CDRT4: variants seen among roughly 807,000 people sequenced by gnomAD.
CDRT4 encodes the protein CMT1A duplicated region transcript 4.
For missense variants in CDRT4, 167 were observed against 193.1 expected (o/e 0.87, Z 0.80); for synonymous variants, 64 against 69.6 (o/e 0.92, Z 0.40).
chr17:15,458,454 AAG>A (rs1252745108), intron 1 of CDRT4, among the ~76,000 whole-genome samples: 1 of 152,124 alleles, frequency 6.6e-6, no homozygotes, highest in East Asian at 1.9e-4. Flanking sequence ...GAGAAGAATG[AAG>A]AGAGTCCAAA....
chr17:15,459,396 G>A (rs962376543), intron 1 of CDRT4, among the ~76,000 whole-genome samples: 4 of 149,280 alleles, frequency 2.7e-5, no homozygotes, highest in Admixed American at 6.7e-5. Context: ...GTCAAGGAAC[G>A]TATACAGCCA....
intron 2 of CDRT4, among the ~76,000 whole-genome samples, chr17:15,446,045 C>G (rs1407280757): frequency 6.6e-6 from 1 of 152,252 alleles, no homozygotes; most frequent in South Asian, 2.1e-4. Context: ...ACCACTAAAG[C>G]CAGAAGTGTC....
chr17:15,461,280 G>C (rs1024131177), intron 1 of CDRT4, among the ~76,000 whole-genome samples: 1 of 152,172 alleles, frequency 6.6e-6, no homozygotes, highest in Non-Finnish European at 1.5e-5. Flanking sequence ...TCTGTGCCAG[G>C]CATAGGGATA....
intron 2 of CDRT4, among the ~76,000 whole-genome samples, chr17:15,446,809 T>C (rs1462871478): frequency 6.6e-6 from 1 of 152,170 alleles, no homozygotes; most frequent in Non-Finnish European, 1.5e-5. Context: ...GGGGATATGT[T>C]GCTTCTTGAT....
chr17:15,438,166 T>G lies in CDRT4; in HGVS notation c.66A>C (p.Leu22=), dbSNP rs144598322. 6 of 1,613,948 alleles carry G rather than the reference T, an allele frequency of 3.7e-6. No homozygotes were observed. In the African/African-American group the frequency reaches 8.0e-5, roughly 22 times the overall value. Residue 22 remains leucine (L), a synonymous_variant, in exon 4 of 4, where the codon CTA becomes CTC. Transcript: ENST00000619038. ...LTENTGLPRK[L]LEKHDPWPAY... is the part of the protein sequence containing the mutation. ...CCGGCCAGGGGTCATGTTTTTCAAG[T>G]AGCTTCCGGGGAAGTCCAGTGTTTT...
At chr17:15,444,197 AAG>A in intron 2 of CDRT4, 1 of 964,704 alleles carries the variant, frequency 1.0e-6, no homozygotes, top group Non-Finnish European at 1.6e-6. Flanking sequence ...AATAAGATCT[AAG>A]AGATGTCCAG....
intron 2 of CDRT4, among the ~76,000 whole-genome samples, chr17:15,448,824 T>A (rs1252077074): frequency 6.6e-6 from 1 of 152,162 alleles, no homozygotes; most frequent in Admixed American, 6.5e-5. Context: ...CCTGACAACT[T>A]GAGCCCCAGG....
intron 2 of CDRT4, among the ~76,000 whole-genome samples, chr17:15,447,167 A>T (rs546934016): frequency 6.6e-6 from 1 of 152,326 alleles, no homozygotes; most frequent in Non-Finnish European, 1.5e-5. Flanking sequence ...GCCTCCCAGT[A>T]CATAGGACAA....
rs1979195014 is a variant in CDRT4, at chr17:15,450,053, AT to A, written c.-48+2950del. On this transcript the variant is annotated intron_variant, in intron 2 of 3. Coordinates refer to ENST00000619038, the MANE Select transcript of CDRT4 (RefSeq NM_001204477.2). This position sits in a 1 kb window ranked among gnomAD's most constrained non-coding sequence, Gnocchi z 4.2. Reference sequence around the variant, plus strand: ...AGGTGTCTTTTTGATAAAATGATTTATATTCCTTCAGGTAGATTCCCAGTAG... The same window carrying A: ...AGGTGTCTTTTTGATAAAATGATTTAATTCCTTCAGGTAGATTCCCAGTAG... Among the ~76,000 whole-genome samples, 1 of 152,176 alleles carries A rather than the reference AT, an allele frequency of 6.6e-6. No individual in the cohort carries two copies. The highest frequency in any genetic ancestry group is 1.5e-5 in the Non-Finnish European group (1 of 68,030).
Position 15,437,472 on chromosome 17 carries a change from T to C in CDRT4, c.*301A>G, listed in dbSNP as rs1021882933. ...AATAAAAGAGCTTGTGTGATTTCTG[T>C]CTCCTGCCTGGACCCAGACAAATCA... On this transcript the variant is annotated 3_prime_UTR_variant, in exon 4 of 4. Coordinates refer to ENST00000619038, the MANE Select transcript of CDRT4 (RefSeq NM_001204477.2). 16 of 442,462 alleles carry C rather than the reference T, an allele frequency of 3.6e-5. No homozygotes were observed. Among genetic ancestry groups the C allele is most frequent in the Middle Eastern group, 6.1e-4 (1 of 1,644 alleles). The allele number at this position is 442,462 out of a possible 1,614,324, so 27.4% of individuals were successfully genotyped here.
chr17:15,454,092 A>T (rs1321540377), intron 1 of CDRT4, among the ~76,000 whole-genome samples: 1 of 152,216 alleles, frequency 6.6e-6, no homozygotes, highest in Non-Finnish European at 1.5e-5. Context: ...CTGAGTCACT[A>T]CGTTGAAGAT....
intron 3 of CDRT4, 48 bp from the exon 4 acceptor site, chr17:15,438,248 T>C (rs773406236): frequency 6.4e-7 from 1 of 1,564,480 alleles, no homozygotes; most frequent in South Asian, 1.2e-5. Flanking sequence ...TCACATGCAA[T>C]AGCTTGATTC....
chr17:15,440,397 A>G, intron 2 of CDRT4, 112 bp from the exon 3 acceptor site: 1 of 1,196,604 alleles, frequency 8.4e-7, no homozygotes, highest in Middle Eastern at 1.9e-4. Flanking sequence ...TGAGGCTAAG[A>G]TGACTCCACC....
chr17:15,448,175 C>T (rs1979110016), intron 2 of CDRT4, among the ~76,000 whole-genome samples: 1 of 152,178 alleles, frequency 6.6e-6, no homozygotes, highest in African/African-American at 2.4e-5. Context: ...TTCAAACGCT[C>T]AAAGCACTAG....
chr17:15,449,072 T>C (rs1003778984), intron 2 of CDRT4, among the ~76,000 whole-genome samples: 1 of 152,210 alleles, frequency 6.6e-6, no homozygotes, highest in Non-Finnish European at 1.5e-5. Flanking sequence ...ATTTCACACA[T>C]ATTTGCATGG....
At chr17:15,440,134 C>T in intron 3 of CDRT4, 74 bp downstream of exon 3, 4 of 1,470,884 alleles carry the variant, frequency 2.7e-6, no homozygotes, top group Admixed American at 2.0e-5. Flanking sequence ...CCAGTGGCCT[C>T]TTCCCACTGC....
At chr17:15,453,365 T>C (rs1979345927) in intron 1 of CDRT4, among the ~76,000 whole-genome samples, 1 of 152,184 alleles carries the variant, frequency 6.6e-6, no homozygotes. Context: ...ATAGAAAATA[T>C]GTGTGGGTAA....
In CDRT4 at chr17:15,436,119, C is replaced by T. The variant is rs943147083; in HGVS notation, c.*1654G>A. On this transcript the variant is annotated 3_prime_UTR_variant, in exon 4 of 4. Coordinates refer to ENST00000619038, the MANE Select transcript of CDRT4 (RefSeq NM_001204477.2). ...TTCCCTGGAAACCACCTATATTTTT[C>T]GAAGAATTCATTCTGGCCAACAGTT... 1 of 152,138 alleles carries T rather than the reference C, an allele frequency of 6.6e-6. No individual in the cohort carries two copies. The allele number at this position is 152,138 out of a possible 1,614,324, so 9.4% of individuals were successfully genotyped here.
At chr17:15,458,217 G>C (rs1207212311) in intron 1 of CDRT4, among the ~76,000 whole-genome samples, 1 of 152,176 alleles carries the variant, frequency 6.6e-6, no homozygotes, top group East Asian at 1.9e-4. Flanking sequence ...TGGCTCTGGA[G>C]GGTGGAGAGG....
Sources: gnomAD v4.1 joint callset for allele counts (sites outside exome capture counted in the v4.1 genomes callset) on GRCh38, gnomAD v4.1.1 for gene constraint, Gnocchi (gnomAD v3.1) non-coding constraint, MANE v1.5 for transcripts, NCBI Gene and HGNC (gene_info 2026-07-23, HGNC 2026-07-21) for gene names.